The following OPHN1 variants were observed in gnomAD, a reference collection of about 807,000 sequenced individuals.
The protein encoded by OPHN1 is oligophrenin-1.
A neutral mutation model predicts 60.7 loss-of-function variants in OPHN1; 11 were observed. The observed-to-expected ratio is 0.18, with a 90% CI of 0.11 to 0.30. The LOEUF (loss-of-function observed/expected upper bound fraction) is 0.30. OPHN1 is among the 10% of genes least tolerant of loss of function. The pLI is 1.00. For missense variants in OPHN1, 449 were observed against 611.0 expected (o/e 0.73, Z 2.80); for synonymous variants, 226 against 222.6 (o/e 1.02, Z -0.14).
intron 2 of OPHN1, among the ~76,000 whole-genome samples, chrX:68,405,356 A>G (rs2078736965): frequency 9.0e-6 from 1 of 111,338 alleles, no homozygotes; most frequent in Non-Finnish European, 1.9e-5. Flanking sequence ...CACCTGGCTA[A>G]TTTTAAAAAA....
At chrX:68,257,450 T>C (rs916163088) in intron 5 of OPHN1, among the ~76,000 whole-genome samples, 1 of 112,293 alleles carries the variant, frequency 8.9e-6, no homozygotes, top group African/African-American at 3.2e-5. Flanking sequence ...GTAGCCTGTG[T>C]GACCTTGAAC....
At chrX:68,205,969 A>AGAGT (rs1555953339) in intron 10 of OPHN1, among the ~76,000 whole-genome samples, 12 of 48,095 alleles carry the variant, frequency 2.5e-4, no homozygotes, top group Admixed American at 6.6e-4. Context: ...TGTGTGTGTG[A>AGAGT]GTGTGTGTGA....
intron 15 of OPHN1, among the ~76,000 whole-genome samples, chrX:68,190,328 C>T (rs1417097117): frequency 1.8e-5 from 2 of 112,102 alleles, no homozygotes; most frequent in African/African-American, 3.2e-5. Context: ...GATTGATGCC[C>T]GGGTAGGCAC....
chrX:68,382,311 C>T (rs2078601280), intron 2 of OPHN1, among the ~76,000 whole-genome samples: 1 of 110,302 alleles, frequency 9.1e-6, no homozygotes, highest in South Asian at 3.9e-4. Flanking sequence ...TGGGCCACTG[C>T]ACTACAGCCT....
At chrX:68,321,402 C>T (rs2078234579) in intron 2 of OPHN1, among the ~76,000 whole-genome samples, 1 of 111,814 alleles carries the variant, frequency 8.9e-6, no homozygotes, top group African/African-American at 3.3e-5. Context: ...GGCCTTACAT[C>T]AGAAGGATAC....
chrX:68,359,781 G>A (rs2078461350), intron 2 of OPHN1, among the ~76,000 whole-genome samples: 1 of 106,294 alleles, frequency 9.4e-6, no homozygotes, highest in South Asian at 4.4e-4. Context: ...GCGTGAACCC[G>A]GGAGGCGGAG....
intron 5 of OPHN1, among the ~76,000 whole-genome samples, chrX:68,264,724 C>A (rs977993338): frequency 5.3e-5 from 6 of 112,176 alleles, no homozygotes; most frequent in Non-Finnish European, 9.4e-5. Context: ...CAAAGCAGGG[C>A]GAGGCATTGC....
At chrX:68,307,497 C>A (rs919834927) in intron 2 of OPHN1, among the ~76,000 whole-genome samples, 1 of 107,623 alleles carries the variant, frequency 9.3e-6, no homozygotes, top group African/African-American at 3.4e-5. Context: ...AATGGATATA[C>A]GAAACTCCAT....
chrX:68,253,484 C>T (rs2147553078), intron 5 of OPHN1, among the ~76,000 whole-genome samples: 1 of 111,640 alleles, frequency 9.0e-6, no homozygotes, highest in East Asian at 2.8e-4. Context: ...TCCCATCTCC[C>T]CTGCTAACCA....
At chrX:68,233,651 T>C (rs771455048) in intron 6 of OPHN1, among the ~76,000 whole-genome samples, 6 of 111,266 alleles carry the variant, frequency 5.4e-5, no homozygotes, top group African/African-American at 1.3e-4. Flanking sequence ...AGAATTCTAC[T>C]TATGTTCCTT....
intron 2 of OPHN1, among the ~76,000 whole-genome samples, chrX:68,347,051 G>C (rs1351455107): frequency 3.6e-5 from 4 of 111,621 alleles, no homozygotes; most frequent in Non-Finnish European, 7.5e-5. Context: ...CAGAGGAAAA[G>C]ACACATATCC....
chrX:68,312,410 TAAAC>T (rs1172907042), intron 2 of OPHN1, among the ~76,000 whole-genome samples: 1 of 109,442 alleles, frequency 9.1e-6, no homozygotes, highest in Non-Finnish European at 1.9e-5. Flanking sequence ...AACTCACTCT[TAAAC>T]AACCAATAAG....
intron 18 of OPHN1, among the ~76,000 whole-genome samples, chrX:68,108,171 T>C (rs1235458631): frequency 8.9e-6 from 1 of 112,391 alleles, no homozygotes; most frequent in East Asian, 2.8e-4. Context: ...CCTTTCAAGG[T>C]TTCTACGTCC....
intron 15 of OPHN1, among the ~76,000 whole-genome samples, chrX:68,168,552 G>A (rs2077371741): frequency 9.0e-6 from 1 of 110,620 alleles, no homozygotes; most frequent in Admixed American, 9.6e-5. Flanking sequence ...GAGAAAGCAG[G>A]AAAGATCTAA....
At chrX:68,407,947 A>G (rs1208833272) in intron 2 of OPHN1, among the ~76,000 whole-genome samples, 1 of 112,336 alleles carries the variant, frequency 8.9e-6, no homozygotes, top group Non-Finnish European at 1.9e-5. Flanking sequence ...GCTAACATTT[A>G]ATTTTCTGCA....
rs763613501 is a variant in OPHN1, at chrX:68,332,992, TCCATCA to T, written c.155-33902_155-33897del. The stretch of plus-strand genomic sequence containing the variant: ...ACAATATTCTTCAGAAACTGACCAC[TCCATCA>T]CTAGCTAGCCTCATTCAAATTTACA... On this transcript the variant is annotated intron_variant, in intron 2 of 24. Coordinates refer to ENST00000355520, the MANE Select transcript of OPHN1 (RefSeq NM_002547.3). Among the ~76,000 whole-genome samples the T allele has an allele frequency of 2.7e-5, 3 of 110,609 alleles. No individual in the cohort carries two copies. The South Asian group carries it at 1.2e-3, about 43-fold the overall frequency.
intron 2 of OPHN1, among the ~76,000 whole-genome samples, chrX:68,412,175 A>T (rs1048718587): frequency 1.8e-5 from 2 of 111,615 alleles, no homozygotes; most frequent in African/African-American, 6.5e-5. Context: ...TCAGAAAAAA[A>T]CCTGGCTATA....
At chrX:68,422,032 A>T (rs1313083362) in intron 2 of OPHN1, among the ~76,000 whole-genome samples, 2 of 111,242 alleles carry the variant, frequency 1.8e-5, no homozygotes, top group Non-Finnish European at 3.8e-5. Context: ...TATTGCCATT[A>T]TTCTATGACA....
chrX:68,165,131 G>A (rs1011478707), intron 15 of OPHN1, among the ~76,000 whole-genome samples: 6 of 111,664 alleles, frequency 5.4e-5, no homozygotes, highest in Non-Finnish European at 9.4e-5. Context: ...CTTTCCCCAT[G>A]TCAACTATAA....
Sources: gnomAD v4.1 joint callset for allele counts (sites outside exome capture counted in the v4.1 genomes callset) on GRCh38, gnomAD v4.1.1 for gene constraint, MANE v1.5 for transcripts, NCBI Gene and HGNC (gene_info 2026-07-23, HGNC 2026-07-21) for gene names.